Variants in AMPH observed in about 807,000 individuals in gnomAD.
The protein encoded by AMPH is amphiphysin (Stiff-Mann syndrome with breast cancer 128kD autoantigen).
A neutral mutation model predicts 99.1 loss-of-function variants in AMPH; 49 were observed. The ratio of observed to expected loss-of-function variants is 0.49; its 90% CI spans 0.39 to 0.63. The LOEUF (loss-of-function observed/expected upper bound fraction) is 0.63, where lower values mean the gene tolerates loss of function less well. Among genes scored for constraint, AMPH ranks in the 20% least tolerant of loss-of-function variants. The pLI is 0.00. For missense variants in AMPH, 759 were observed against 863.4 expected (o/e 0.88, Z 1.52); for synonymous variants, 314 against 317.3 (o/e 0.99, Z 0.11).
At chr7:38,536,047 G>T (rs935717791) in intron 1 of AMPH, among the ~76,000 whole-genome samples, 1 of 152,080 alleles carries the variant, frequency 6.6e-6, no homozygotes, top group Non-Finnish European at 1.5e-5. Flanking sequence ...GATACTCAAG[G>T]CCCCATGCTA....
chr7:38,593,818 T>C (rs1052414354), intron 1 of AMPH, among the ~76,000 whole-genome samples: 1 of 151,952 alleles, frequency 6.6e-6, no homozygotes, highest in African/African-American at 2.4e-5. Flanking sequence ...AAACACATAG[T>C]GCGTGAGATG....
intron 15 of AMPH, among the ~76,000 whole-genome samples, chr7:38,422,793 A>G (rs928060706): frequency 6.6e-6 from 1 of 151,980 alleles, no homozygotes; most frequent in African/African-American, 2.4e-5. Flanking sequence ...TAATTTTTGC[A>G]TTTTTTTGTA....
At chr7:38,553,055 A>G (rs995927825) in intron 1 of AMPH, among the ~76,000 whole-genome samples, 3 of 152,212 alleles carry the variant, frequency 2.0e-5, no homozygotes, top group African/African-American at 7.2e-5. Flanking sequence ...AGGAAAGGTC[A>G]GGCCCTGCTC....
chr7:38,489,639 T>A (rs1208774887), intron 5 of AMPH, among the ~76,000 whole-genome samples: 1 of 151,968 alleles, frequency 6.6e-6, no homozygotes, highest in Non-Finnish European at 1.5e-5. Flanking sequence ...AGGAGTTAAT[T>A]TCCAAAATAT....
intron 1 of AMPH, among the ~76,000 whole-genome samples, chr7:38,599,941 T>C (rs1213644739): frequency 2.0e-5 from 3 of 152,040 alleles, no homozygotes; most frequent in Non-Finnish European, 4.4e-5. Context: ...CACTGTGATA[T>C]AAAATATCGT....
intron 1 of AMPH, among the ~76,000 whole-genome samples, chr7:38,595,720 A>T (rs1584286156): frequency 1.3e-5 from 2 of 151,998 alleles, no homozygotes; most frequent in South Asian, 4.2e-4. Context: ...CCAAGCTCCT[A>T]CCCCCACCTC....
intron 1 of AMPH, among the ~76,000 whole-genome samples, chr7:38,621,614 C>T (rs186457066): frequency 2.0e-5 from 3 of 152,152 alleles, no homozygotes; most frequent in Non-Finnish European, 4.4e-5. Context: ...AGGGAAAAAT[C>T]ATATATATAT....
chr7:38,511,097 T>C (rs1019033840), intron 2 of AMPH, among the ~76,000 whole-genome samples: 1 of 152,142 alleles, frequency 6.6e-6, no homozygotes, highest in African/African-American at 2.4e-5. Flanking sequence ...ACCCACCACC[T>C]AGAGCTATCA....
intron 20 of AMPH, among the ~76,000 whole-genome samples, chr7:38,388,142 G>T (rs1327894679): frequency 6.6e-6 from 1 of 152,116 alleles, no homozygotes; most frequent in Non-Finnish European, 1.5e-5. Context: ...ATTAAGACCA[G>T]ATAGAAACTC....
At chr7:38,486,361 A>G (rs372812879) in intron 5 of AMPH, among the ~76,000 whole-genome samples, 1 of 152,040 alleles carries the variant, frequency 6.6e-6, no homozygotes, top group African/African-American at 2.4e-5. Context: ...TACTAGATAC[A>G]TACAACCTAG....
chr7:38,520,933 CTCCTTA>C (rs1480852773), intron 2 of AMPH, among the ~76,000 whole-genome samples: 4 of 152,200 alleles, frequency 2.6e-5, no homozygotes, highest in African/African-American at 9.7e-5. Context: ...TCAAATCAGC[CTCCTTA>C]ACGGGATCCC....
chr7:38,631,267 G>T lies in AMPH; in HGVS notation c.69+16C>A. ...CCTGGCGTCCCCGGCCCCAGCCCCG[G>T]CCGCCCGCCGCTGACCTTTTCCTGC... On this transcript the variant is annotated intron_variant, in intron 1 of 20. Coordinates refer to ENST00000356264, the MANE Select transcript of AMPH (RefSeq NM_001635.4). The T allele has an allele frequency of 1.3e-6, 2 of 1,514,220 alleles. No homozygotes were observed. Among genetic ancestry groups the T allele is most frequent in the Non-Finnish European group, 8.8e-7 (1 of 1,132,424 alleles). The allele number at this position is 1,514,220 out of a possible 1,614,324, so 93.8% of individuals were successfully genotyped here. A position where few individuals can be genotyped will look rare whatever the true frequency, so the allele number is the denominator to read the frequency against.
chr7:38,425,089 T>C (rs544381997), intron 15 of AMPH, among the ~76,000 whole-genome samples: 1 of 152,326 alleles, frequency 6.6e-6, no homozygotes, highest in South Asian at 2.1e-4. Context: ...ATATACACCT[T>C]CTGTGTATGC....
intron 14 of AMPH, chr7:38,428,855 T>G: frequency 1.8e-6 from 1 of 549,948 alleles, no homozygotes; most frequent in Non-Finnish European, 3.2e-6. Context: ...CAAAATAATT[T>G]TCATTGGCGT....
chr7:38,512,385 T>C (rs1346596573), intron 2 of AMPH, among the ~76,000 whole-genome samples: 3 of 152,194 alleles, frequency 2.0e-5, no homozygotes, highest in African/African-American at 7.2e-5. Context: ...GAGATATGCC[T>C]CATTCTCTGC....
rs76006038 is a variant in AMPH, at chr7:38,617,198, A to G, written c.69+14085T>C. 8.6e-3 allele frequency among the ~76,000 whole-genome samples: 1,298 copies of G among 151,354 alleles called. 23 individuals carry two copies. Among genetic ancestry groups the G allele is most frequent in the East Asian group, 0.069 (354 of 5,094 alleles). ...TGTGAGAGGAATGTGTGTTACCCCAAGGGGGCTGATCTACACCCAAACTCT... is the reference window on the plus strand; with the variant it reads ...TGTGAGAGGAATGTGTGTTACCCCAGGGGGGCTGATCTACACCCAAACTCT... On this transcript the variant is annotated intron_variant, in intron 1 of 20. Transcript: ENST00000356264.
chr7:38,526,656 T>G (rs1017952634), intron 2 of AMPH, among the ~76,000 whole-genome samples: 18 of 152,134 alleles, frequency 1.2e-4, no homozygotes, highest in African/African-American at 4.1e-4. Context: ...CTTTTACGTA[T>G]TCTGGATACT....
At chr7:38,394,858 A>C (rs79178298) in intron 17 of AMPH, among the ~76,000 whole-genome samples, 8,835 of 152,236 alleles carry the variant, frequency 0.058, 357 homozygotes, top group East Asian at 0.19. Flanking sequence ...TCATTGCCTA[A>C]CCACCCTCTT....
At chr7:38,564,504 G>A (rs1302238209) in intron 1 of AMPH, among the ~76,000 whole-genome samples, 2 of 152,186 alleles carry the variant, frequency 1.3e-5, no homozygotes, top group Non-Finnish European at 2.9e-5. Flanking sequence ...TGTGGACCTG[G>A]GGACCAGAGA....
Sources: gnomAD v4.1 joint callset for allele counts (sites outside exome capture counted in the v4.1 genomes callset) on GRCh38, gnomAD v4.1.1 for gene constraint, MANE v1.5 for transcripts, NCBI Gene and HGNC (gene_info 2026-07-23, HGNC 2026-07-21) for gene names.